Variants in CNTLN observed in about 807,000 individuals in gnomAD.
CNTLN encodes centlein, also known as centlein, centrosomal protein.
Under a neutral mutation model 180.0 loss-of-function variants are expected in CNTLN, and 212 were observed. That is an observed-to-expected ratio of 1.18 (90% CI 1.05 to 1.32). The LOEUF (loss-of-function observed/expected upper bound fraction) is 1.32, where lower values mean the gene tolerates loss of function less well. Among genes scored for constraint, CNTLN ranks in the 40% most tolerant of loss-of-function variants. The probability of loss-of-function intolerance (pLI) is 0.00; values close to 1 mark genes in which losing one functional copy is unlikely to be tolerated. For synonymous variants in CNTLN, 722 were observed against 563.1 expected, an observed-to-expected ratio of 1.28 and a Z score of -3.99; for missense variants, 2,095 against 1,610.9, an observed-to-expected ratio of 1.30 and a Z score of -5.14.
At chr9:17,431,094 TAG>T (rs1829393311) in intron 18 of CNTLN, among the ~76,000 whole-genome samples, 1 of 152,078 alleles carries the variant, frequency 6.6e-6, no homozygotes, top group African/African-American at 2.4e-5. Flanking sequence ...GATCATATGG[TAG>T]TTCTATTTCT....
chr9:17,220,622 G>C (rs553434430), intron 2 of CNTLN, among the ~76,000 whole-genome samples: 1 of 152,202 alleles, frequency 6.6e-6, no homozygotes, highest in African/African-American at 2.4e-5. Flanking sequence ...AGTGTGTGTT[G>C]TTCCCCTCTG....
At chr9:17,495,356 G>T (rs1305152005) in intron 25 of CNTLN, among the ~76,000 whole-genome samples, 1 of 152,106 alleles carries the variant, frequency 6.6e-6, no homozygotes, top group African/African-American at 2.4e-5. Context: ...ACCTTCCAGT[G>T]GGACAAGATG....
At chr9:17,167,062 T>G (rs1033134152) in intron 2 of CNTLN, 13 of 202,422 alleles carry the variant, frequency 6.4e-5, no homozygotes, top group African/African-American at 3.1e-4. Flanking sequence ...GAGAAAGATA[T>G]TTCATACTTT....
intron 23 of CNTLN, among the ~76,000 whole-genome samples, chr9:17,478,503 A>T (rs911247179): frequency 5.3e-5 from 8 of 152,142 alleles, no homozygotes; most frequent in Non-Finnish European, 4.4e-5. Context: ...GAGATTTTTT[A>T]AAATGTTTTC....
chr9:17,189,143 C>T (rs1311970274), intron 2 of CNTLN, among the ~76,000 whole-genome samples: 1 of 122,268 alleles, frequency 8.2e-6, no homozygotes, highest in African/African-American at 3.2e-5. Context: ...AGTGCAGTGG[C>T]GTGATCTCGG....
chr9:17,338,887 A>C (rs1821260235), intron 10 of CNTLN, among the ~76,000 whole-genome samples: 1 of 152,206 alleles, frequency 6.6e-6, no homozygotes, highest in Admixed American at 6.5e-5. Context: ...ACTCTTATCA[A>C]CACAGCATCC....
At chr9:17,518,036 C>CTTTTTTTTTTT in the CNTLN span, among the ~76,000 whole-genome samples, 24 of 69,228 alleles carry the variant, frequency 3.5e-4, no homozygotes, top group South Asian at 7.5e-4. Flanking sequence ...TTTTCTTTTC[C>CTTTTTTTTTTT]TTTTTTTTTT....
chr9:17,526,392 G>A, the CNTLN span, among the ~76,000 whole-genome samples: 4 of 152,108 alleles, frequency 2.6e-5, no homozygotes, highest in African/African-American at 4.8e-5. Context: ...ACCAGACTTA[G>A]TACAAAAAAA....
chr9:17,225,931 T>A (rs181731252), intron 2 of CNTLN, among the ~76,000 whole-genome samples: 1 of 152,128 alleles, frequency 6.6e-6, no homozygotes, highest in East Asian at 1.9e-4. Flanking sequence ...TTGTAATTAT[T>A]TTCAAAGCGA....
intron 2 of CNTLN, among the ~76,000 whole-genome samples, chr9:17,178,802 T>C (rs1820914928): frequency 6.6e-6 from 1 of 152,112 alleles, no homozygotes; most frequent in Admixed American, 6.5e-5. Context: ...GAGTCAGCTC[T>C]GGCCTTGGCC....
At chr9:17,272,595 T>G (rs1313071688) in intron 5 of CNTLN, among the ~76,000 whole-genome samples, 1 of 152,192 alleles carries the variant, frequency 6.6e-6, no homozygotes, top group Non-Finnish European at 1.5e-5. Flanking sequence ...CCCTGATATT[T>G]GGCAGAAATC....
intron 10 of CNTLN, among the ~76,000 whole-genome samples, chr9:17,339,219 G>A (rs1302515169): frequency 1.3e-5 from 2 of 152,148 alleles, no homozygotes; most frequent in Non-Finnish European, 2.9e-5. Flanking sequence ...AGTGAAAGTA[G>A]AATGACAGAC....
At chr9:17,202,884 C>A (rs546018323) in intron 2 of CNTLN, among the ~76,000 whole-genome samples, 17 of 152,056 alleles carry the variant, frequency 1.1e-4, no homozygotes, top group African/African-American at 4.1e-4. Flanking sequence ...CATCATGATG[C>A]TAGCTGTTTA....
At chr9:17,260,326 C>T (rs1418213593) in intron 5 of CNTLN, among the ~76,000 whole-genome samples, 1 of 151,120 alleles carries the variant, frequency 6.6e-6, no homozygotes, top group Admixed American at 6.6e-5. Flanking sequence ...TTTGATTGCA[C>T]TGTGGTCTGA....
chr9:17,311,425 A>G (rs1819122877), intron 8 of CNTLN, among the ~76,000 whole-genome samples: 1 of 150,860 alleles, frequency 6.6e-6, no homozygotes, highest in Non-Finnish European at 1.5e-5. Context: ...AAAGATTCCC[A>G]ATCAAAATCC....
chr9:17,457,598 A>AG lies in CNTLN; in HGVS notation c.3189_3190insG (p.Ile1064AspfsTer22). ...TAAAGAAATTGGAGTCCTCATCTGA[A>AG]ATCACAAGTTTGGCAGAAGAAAATT... On this transcript the variant is annotated frameshift_variant, in exon 19 of 26. Coordinates refer to ENST00000380647, the MANE Select transcript of CNTLN (RefSeq NM_017738.4). LOFTEE classifies it high-confidence loss of function. 1 of 1,566,740 alleles carries AG rather than the reference A, an allele frequency of 6.4e-7. No individual in the cohort carries two copies. Among genetic ancestry groups the AG allele is most frequent in the South Asian group, 1.2e-5 (1 of 83,526 alleles).
At chr9:17,247,560 C>T (rs1032853104) in intron 5 of CNTLN, among the ~76,000 whole-genome samples, 1 of 152,128 alleles carries the variant, frequency 6.6e-6, no homozygotes, top group Non-Finnish European at 1.5e-5. Flanking sequence ...TTCTTCAGTG[C>T]CTCTTTCTTT....
At chr9:17,521,521 AC>A in the CNTLN span, among the ~76,000 whole-genome samples, 1 of 152,246 alleles carries the variant, frequency 6.6e-6, no homozygotes, top group Non-Finnish European at 1.5e-5. Context: ...TGTGGATAAT[AC>A]TTGTTTAATA....
chr9:17,454,087 G>C (rs1830970014), intron 18 of CNTLN, among the ~76,000 whole-genome samples: 1 of 152,192 alleles, frequency 6.6e-6, no homozygotes, highest in South Asian at 2.1e-4. Context: ...CAGAGCATGA[G>C]TCATCTGAGA....
Sources: allele counts gnomAD v4.1 joint callset (sites outside exome capture counted in the v4.1 genomes callset), GRCh38; gene constraint gnomAD v4.1.1; transcripts MANE v1.5; gene names NCBI Gene and HGNC (gene_info 2026-07-23, HGNC 2026-07-21).